Variants in SYTL2 observed in about 807,000 individuals in gnomAD.
SYTL2 encodes the protein synaptotagmin-like protein 2.
Under a neutral mutation model 198.7 loss-of-function variants are expected in SYTL2, and 165 were observed. The ratio of observed to expected loss-of-function variants is 0.83; its 90% CI spans 0.73 to 0.94. The LOEUF (loss-of-function observed/expected upper bound fraction) is 0.94, where lower values mean the gene tolerates loss of function less well. Ranked by LOEUF, SYTL2 falls within the 40% of genes least tolerant of loss-of-function variation. The pLI, the probability that SYTL2 is intolerant of heterozygous loss-of-function variation, is 0.00. For missense variants in SYTL2, 2,835 were observed against 2,582.8 expected (o/e 1.10, Z -2.12); for synonymous variants, 966 against 917.7 (o/e 1.05, Z -0.95).
At chr11:85,728,543 C>T (rs1048203019) in intron 7 of SYTL2, among the ~76,000 whole-genome samples, 11 of 152,112 alleles carry the variant, frequency 7.2e-5, no homozygotes, top group African/African-American at 1.9e-4. Flanking sequence ...CCTCAGCCTC[C>T]GAAAGTGCTG....
the SYTL2 span, among the ~76,000 whole-genome samples, chr11:85,827,801 T>A: frequency 2.0e-5 from 3 of 152,206 alleles, no homozygotes; most frequent in Non-Finnish European, 4.4e-5. Context: ...TCTGTGTTGA[T>A]TCCCACTCAG....
intron 1 of SYTL2, among the ~76,000 whole-genome samples, chr11:85,783,504 C>G (rs1035616311): frequency 6.6e-6 from 1 of 152,118 alleles, no homozygotes; most frequent in African/African-American, 2.4e-5. Flanking sequence ...TCCTAACACC[C>G]TTGTTCTTGA....
intron 5 of SYTL2, among the ~76,000 whole-genome samples, chr11:85,736,884 T>G (rs1017557206): frequency 6.6e-6 from 1 of 152,104 alleles, no homozygotes; most frequent in Non-Finnish European, 1.5e-5. Flanking sequence ...ATTTTACAGG[T>G]GAAAAAACTT....
the SYTL2 span, among the ~76,000 whole-genome samples, chr11:85,844,493 G>C: frequency 6.6e-6 from 1 of 152,138 alleles, no homozygotes; most frequent in Non-Finnish European, 1.5e-5. Flanking sequence ...CCAGATGTGA[G>C]GTAGTGTTAC....
chr11:85,791,914 C>T (rs773093872), intron 1 of SYTL2, among the ~76,000 whole-genome samples: 5 of 152,098 alleles, frequency 3.3e-5, no homozygotes, highest in Non-Finnish European at 5.9e-5. Flanking sequence ...ATTCTACCAG[C>T]AGCTGCGATA....
chr11:85,814,415 A>G (rs1236964728), upstream of SYTL2, among the ~76,000 whole-genome samples: 1 of 152,240 alleles, frequency 6.6e-6, no homozygotes, highest in African/African-American at 2.4e-5. Flanking sequence ...TTGGTGCTGG[A>G]TCTGTGAAAA....
chr11:85,762,080 A>G (rs2092109525), intron 1 of SYTL2, among the ~76,000 whole-genome samples: 1 of 152,158 alleles, frequency 6.6e-6, no homozygotes, highest in Non-Finnish European at 1.5e-5. Flanking sequence ...AGCCAACCCA[A>G]CATTGACATT....
At chr11:85,833,011 A>AAAGAAAGAAAGAAAG in the SYTL2 span, among the ~76,000 whole-genome samples, 2 of 48,178 alleles carry the variant, frequency 4.2e-5, no homozygotes, top group East Asian at 4.1e-4. Flanking sequence ...AAAAAGAAAG[A>AAAGAAAGAAAGAAAG]AAAGAAAGAA....
intron 4 of SYTL2, among the ~76,000 whole-genome samples, chr11:85,739,842 A>G (rs1176666805): frequency 6.6e-6 from 1 of 152,162 alleles, no homozygotes; most frequent in Non-Finnish European, 1.5e-5. Context: ...TGGCTAGGCT[A>G]TACTGCCTCT....
chr11:85,768,115 A>G (rs1020396256), intron 1 of SYTL2, among the ~76,000 whole-genome samples: 1 of 152,150 alleles, frequency 6.6e-6, no homozygotes, highest in African/African-American at 2.4e-5. Flanking sequence ...TAGGCACTTC[A>G]CCTGCCTCAG....
chr11:85,704,053 T>G (rs1351606245), intron 16 of SYTL2, among the ~76,000 whole-genome samples: 1 of 151,946 alleles, frequency 6.6e-6, no homozygotes, highest in Non-Finnish European at 1.5e-5. Context: ...TGGACCCAAA[T>G]ACATCAATAT....
In SYTL2 at chr11:85,789,399, T is replaced by TAA. The variant is rs2092698643; in HGVS notation, c.-390+21553_-390+21554dup. ...ATATGTATATATATATATATATATA[T>TAA]AATTTTTTTTTTTTTTGTAGAGACA... is the stretch of plus-strand genomic sequence containing the variant. On this transcript the variant is annotated intron_variant, in intron 1 of 19. Coordinates refer to ENST00000359152, the MANE Select transcript of SYTL2 (RefSeq NM_206927.4). Among the ~76,000 whole-genome samples the TAA allele has an allele frequency of 6.9e-5, 8 of 116,146 alleles. No individual in the cohort carries two copies. The South Asian group carries it at 8.9e-4, about 13-fold the overall frequency. The allele number at this position is 116,146 out of a possible 152,430, so 76.2% of individuals were successfully genotyped here.
intron 1 of SYTL2, among the ~76,000 whole-genome samples, chr11:85,765,968 C>T (rs946473621): frequency 6.6e-6 from 1 of 152,092 alleles, no homozygotes; most frequent in Non-Finnish European, 1.5e-5. Flanking sequence ...AACCATAATA[C>T]AAGTATGTCA....
intron 14 of SYTL2, 152 bp downstream of exon 14, chr11:85,709,179 T>A (rs958756308): frequency 1.5e-5 from 11 of 749,876 alleles, no homozygotes; most frequent in Middle Eastern, 5.1e-4. Context: ...ACATATGAAT[T>A]TATAGAATAA....
At position 85,757,761 on chromosome 11, in the gene SYTL2, G is replaced by A. The variant is rs751048454; in HGVS notation, c.-36C>T. Reference sequence around the variant, plus strand: ...GCATGCAAAAATAATAGCAACAAATGTGGCTCAAAATTCTCAGGGCTGAAC... The same window carrying A: ...GCATGCAAAAATAATAGCAACAAATATGGCTCAAAATTCTCAGGGCTGAAC... On this transcript the variant is annotated 5_prime_UTR_variant, in exon 2 of 20. Transcript: ENST00000359152. The A allele has an allele frequency of 6.9e-6, 11 of 1,605,152 alleles. No individual in the cohort carries two copies. Among genetic ancestry groups the A allele is most frequent in the African/African-American group, 1.3e-5 (1 of 75,012 alleles).
chr11:85,696,059 C>T, intron 19 of SYTL2, 124 bp downstream of exon 19: 1 of 742,380 alleles, frequency 1.3e-6, no homozygotes, highest in Non-Finnish European at 2.3e-6. Context: ...TTTCACTATA[C>T]TTAAGAGATA....
intron 1 of SYTL2, among the ~76,000 whole-genome samples, chr11:85,762,372 G>A (rs2092120205): frequency 6.6e-6 from 1 of 152,138 alleles, no homozygotes; most frequent in African/African-American, 2.4e-5. Flanking sequence ...TTCACAGGAG[G>A]AACTCCTGGG....
chr11:85,744,187 T>G (rs554129935), intron 4 of SYTL2, among the ~76,000 whole-genome samples: 2 of 152,326 alleles, frequency 1.3e-5, no homozygotes, highest in African/African-American at 2.4e-5. Flanking sequence ...CAAGAGCTCA[T>G]GCTTCCATTT....
At chr11:85,854,262 G>A in the SYTL2 span, 2 of 129,132 alleles carry the variant, frequency 1.5e-5, no homozygotes, top group African/African-American at 3.3e-5. Flanking sequence ...ATTTCTAAGT[G>A]CTGAATAAAT....
Sources: allele counts gnomAD v4.1 joint callset (sites outside exome capture counted in the v4.1 genomes callset), GRCh38; gene constraint gnomAD v4.1.1; transcripts MANE v1.5; gene names NCBI Gene and HGNC (gene_info 2026-07-23, HGNC 2026-07-21).